The following REC8 variants were observed in gnomAD, a reference collection of about 807,000 sequenced individuals.
The protein encoded by REC8 is REC8 meiotic recombination protein.
REC8 carries 42 observed loss-of-function variants against 78.3 expected under a neutral mutation model. That is an observed-to-expected ratio of 0.54 (90% confidence interval 0.42 to 0.69). REC8 has a LOEUF of 0.69. REC8 is among the 30% of genes least tolerant of loss of function. REC8 has a pLI of 0.00. For missense variants in REC8, 581 were observed against 715.8 expected, an observed-to-expected ratio of 0.81 and a Z score of 2.15; for synonymous variants, 268 against 274.1, an observed-to-expected ratio of 0.98 and a Z score of 0.22.
intron 6 of REC8, among the ~76,000 whole-genome samples, chr14:24,176,443 A>G (rs145125517): frequency 0.015 from 2,297 of 149,800 alleles, 42 homozygotes; most frequent in East Asian, 0.044. Context: ...TCCAGGGCTC[A>G]AGCAATCCTC....
At position 24,178,095 on chromosome 14, in the gene REC8, G is replaced by C; in HGVS notation, c.869G>C (p.Arg290Thr). Residue 290 changes from arginine to threonine, a missense_variant, in exon 12 of 19, where the codon AGG (arginine) becomes ACG (threonine). Arg to Thr is a moderately conservative substitution (Grantham distance 71). Coordinates refer to ENST00000611366, the MANE Select transcript of REC8 (RefSeq NM_001048205.2). ...CCTGCCCTCCCCACTCAACAGAGGA[G>C]GCCCCCAGTCCCCCCACCTCCTCGC... ...RLPAPPSPERRPPVPPPPRRR... is the reference protein window; with the variant it reads ...RLPAPPSPERTPPVPPPPRRR... 6.2e-7 allele frequency: 1 copy of C among 1,612,990 alleles called. No homozygotes were observed. The highest frequency in any genetic ancestry group is 1.3e-5 in the African/African-American group (1 of 75,012).
In REC8 at chr14:24,175,639, C is replaced by A. The variant is rs1566631303; in HGVS notation, c.544+15C>A. 6.3e-7 allele frequency: 1 copy of A among 1,596,198 alleles called. No individual in the cohort carries two copies. The highest frequency in any genetic ancestry group is 1.1e-5 in the South Asian group (1 of 90,708). ...CAGGGAGCCAGGTCAGCAGAGAGAA[C>A]CTTCTTTCTGGTGAGAGGCATAGGC... On this transcript the variant is annotated intron_variant, in intron 6 of 18. Coordinates refer to ENST00000611366, the MANE Select transcript of REC8 (RefSeq NM_001048205.2).
At chr14:24,175,726 CT>C (rs386380908) in intron 6 of REC8, 102 bp downstream of exon 6, 79,076 of 566,882 alleles carry the variant, frequency 0.14, no homozygotes, top group South Asian at 0.18. Context: ...GTGAGGGGCG[CT>C]TTTTTTTTTT....
chr14:24,178,454 CCTT>C lies in REC8; in HGVS notation c.997-148_997-146del, dbSNP rs1328646566. On this transcript the variant is annotated intron_variant, in intron 12 of 18. Transcript: ENST00000611366. The stretch of plus-strand genomic sequence containing the variant: ...ACCCATGGGCACCAGGTTAAAAAGT[CCTT>C]CTTTTAGCAATGAGCAGGGCAGGCA... 3.3e-5 allele frequency: 29 copies of C among 883,108 alleles called. No homozygotes were observed. The East Asian group carries it at 5.8e-4, about 18-fold the overall frequency. The allele number at this position is 883,108 out of a possible 1,614,324, so 54.7% of individuals were successfully genotyped here.
In REC8 at chr14:24,175,639, CCTT is replaced by C. The variant is rs756900373; in HGVS notation, c.544+19_544+21del. 3.1e-6 allele frequency: 5 copies of C among 1,596,198 alleles called. No individual in the cohort carries two copies. In the East Asian group the frequency reaches 1.1e-4, roughly 36 times the overall value. On this transcript the variant is annotated intron_variant, in intron 6 of 18. Transcript: ENST00000611366. The stretch of plus-strand genomic sequence containing the variant: ...CAGGGAGCCAGGTCAGCAGAGAGAA[CCTT>C]CTTTCTGGTGAGAGGCATAGGCAGG...
In REC8 at chr14:24,177,743, C is replaced by T. The variant is rs373011708; in HGVS notation, c.849C>T (p.Ala283=). The stretch of plus-strand genomic sequence containing the variant: ...CCCCGGAGGAGCTGCGTCTGCCAGC[C>T]CCACCCAGCCCAGAGGTGAGTAGCC... ...VTPPEELRLP[A]PPSPERRPPV... is the part of the protein sequence containing the mutation. The change falls in exon 11 of 19, where the codon GCC becomes GCT. Residue 283 remains alanine, a synonymous_variant. Coordinates refer to ENST00000611366, the MANE Select transcript of REC8 (RefSeq NM_001048205.2). The T allele has an allele frequency of 2.4e-4, 387 of 1,608,708 alleles. 1 individual carries two copies. Among genetic ancestry groups the T allele is most frequent in the Non-Finnish European group, 2.7e-4 (314 of 1,177,618 alleles).
chr14:24,180,172 T>G lies in REC8; in HGVS notation c.*77T>G. ...CACGTCGTGCCTCACTGGGTCCTGC[T>G]TACCTCATTTCTGAATGTGCATTTC... On this transcript the variant is annotated 3_prime_UTR_variant, in exon 19 of 19. Coordinates refer to ENST00000611366, the MANE Select transcript of REC8 (RefSeq NM_001048205.2). 6.2e-7 allele frequency: 1 copy of G among 1,613,302 alleles called. No individual in the cohort carries two copies. Among genetic ancestry groups the G allele is most frequent in the Non-Finnish European group, 8.5e-7 (1 of 1,179,794 alleles).
In REC8 at chr14:24,176,885, G is replaced by A. The variant is rs746140010; in HGVS notation, c.608G>A (p.Arg203Gln). ...ACGATCCTGGAGGCAGAGCCCATAC[G>A]GATGCTGGAGATTGAGGTGAGTTCC... ...AITILEAEPIRMLEIEGEREL... is the reference protein window; with the variant it reads ...AITILEAEPIQMLEIEGEREL... Residue 203 changes from arginine (R) to glutamine (Q), a missense_variant, in exon 7 of 19, where the codon CGG (arginine) becomes CAG (glutamine). Physicochemically the swap from Arg to Gln is conservative, Grantham distance 43. Coordinates refer to ENST00000611366, the MANE Select transcript of REC8 (RefSeq NM_001048205.2). 8.7e-6 allele frequency: 14 copies of A among 1,613,442 alleles called. No individual in the cohort carries two copies. The highest frequency in any genetic ancestry group is 1.7e-5 in the Admixed American group (1 of 59,986).
At chr14:24,178,053 G>A (rs764755569) in intron 11 of REC8, 38 bp from the exon 12 acceptor site, 2 of 1,592,478 alleles carry the variant, frequency 1.3e-6, no homozygotes, top group South Asian at 1.1e-5. Flanking sequence ...AAGGAGTAAT[G>A]GGCAGCCTTG....
At chr14:24,178,246 G>A (rs531829737) in intron 12 of REC8, 24 bp downstream of exon 12, 33 of 1,598,422 alleles carry the variant, frequency 2.1e-5, no homozygotes, top group East Asian at 9.0e-5. Context: ...AGGCTTTGCC[G>A]GGGAAGGGAG....
In REC8 at chr14:24,174,273, C is replaced by T. The variant is rs540247761; in HGVS notation, c.462+862C>T. Among the ~76,000 whole-genome samples, 9 of 151,642 alleles carry T rather than the reference C, an allele frequency of 5.9e-5. No individual in the cohort carries two copies. In the South Asian group the frequency reaches 1.5e-3, roughly 25 times the overall value. The stretch of plus-strand genomic sequence containing the variant: ...TGCTAGGATTACAGACGTGAGCCAT[C>T]GCGCTGGCCTATTATTATTATTTTT... On this transcript the variant is annotated intron_variant, in intron 5 of 18. Coordinates refer to ENST00000611366, the MANE Select transcript of REC8 (RefSeq NM_001048205.2).
Position 24,172,521 on chromosome 14 carries a change from G to T in REC8, c.-32G>T. ...CCGACTCAGATCCGAACGGGGATCT[G>T]GTGGAATCGAGGGTGAAAGACCAGA... On this transcript the variant is annotated 5_prime_UTR_variant, in exon 1 of 19. Transcript: ENST00000611366. The T allele has an allele frequency of 6.3e-7, 1 of 1,597,932 alleles. No homozygotes were observed. The highest frequency in any genetic ancestry group is 8.6e-7 in the Non-Finnish European group (1 of 1,168,534).
Position 24,172,529 on chromosome 14 carries a change from C to G in REC8, c.-24C>G. 2 of 1,603,498 alleles carry G rather than the reference C, an allele frequency of 1.2e-6. No homozygotes were observed. Among genetic ancestry groups the G allele is most frequent in the African/African-American group, 1.3e-5 (1 of 74,882 alleles). ...GATCCGAACGGGGATCTGGTGGAAT[C>G]GAGGGTGAAAGACCAGAGGGACAAT... On this transcript the variant is annotated 5_prime_UTR_variant, in exon 1 of 19. It adds an upstream start codon to the 5' untranslated region. Coordinates refer to ENST00000611366, the MANE Select transcript of REC8 (RefSeq NM_001048205.2).
downstream of REC8, chr14:24,180,777 T>C: frequency 6.2e-7 from 1 of 1,611,964 alleles, no homozygotes; most frequent in South Asian, 1.1e-5. Context: ...AAAGAGTGGC[T>C]GACTCAGGGC....
chr14:24,174,424 C>G (rs953373302), intron 5 of REC8, among the ~76,000 whole-genome samples: 7 of 152,020 alleles, frequency 4.6e-5, no homozygotes, highest in Admixed American at 2.0e-4. Context: ...ATTACAGATG[C>G]CTGCCACCAT....
intron 11 of REC8, 136 bp from the exon 12 acceptor site, chr14:24,177,955 A>C: frequency 6.6e-7 from 1 of 1,512,510 alleles, no homozygotes; most frequent in Non-Finnish European, 8.8e-7. Flanking sequence ...GAGCTGCTCA[A>C]GTGCATGGAG....
rs759549808 is a variant in REC8, at chr14:24,180,123, G to C, written c.*28G>C. 10 of 1,613,998 alleles carry C rather than the reference G, an allele frequency of 6.2e-6. No individual in the cohort carries two copies. The South Asian group carries it at 1.1e-4, about 18-fold the overall frequency. ...TTAGAGTCCATTTACAAAGCTGCCA[G>C]GAAACCGGCCACTTCTAGTAAACCA... On this transcript the variant is annotated 3_prime_UTR_variant, in exon 19 of 19. Transcript: ENST00000611366.
chr14:24,179,277 C>G, intron 15 of REC8, 120 bp from the exon 16 acceptor site: 1 of 1,247,868 alleles, frequency 8.0e-7, no homozygotes, highest in Non-Finnish European at 1.2e-6. Context: ...CCTCAGCTCT[C>G]CCACCTATGT....
intron 15 of REC8, 91 bp downstream of exon 15, chr14:24,179,224 T>C (rs2138797800): frequency 7.9e-7 from 1 of 1,263,200 alleles, no homozygotes; most frequent in African/African-American, 1.5e-5. Context: ...GTTTTATGAG[T>C]GAAGGCGTGT....
Sources: allele counts gnomAD v4.1 joint callset (sites outside exome capture counted in the v4.1 genomes callset), GRCh38; gene constraint gnomAD v4.1.1; transcripts MANE v1.5; gene names NCBI Gene and HGNC (gene_info 2026-07-23, HGNC 2026-07-21).